RELN: variants seen among roughly 807,000 people sequenced by gnomAD.
RELN encodes reelin.
Under a neutral mutation model 427.6 loss-of-function variants are expected in RELN, and 108 were observed. The ratio of observed to expected loss-of-function variants is 0.25; its 90% CI spans 0.22 to 0.30. The LOEUF is 0.30. RELN is among the 10% of genes least tolerant of loss of function. RELN has a pLI of 1.00. For synonymous variants in RELN, 1,524 were observed against 1,513.4 expected, an observed-to-expected ratio of 1.01 and a Z score of -0.16; for missense variants, 3,715 against 4,302.8, an observed-to-expected ratio of 0.86 and a Z score of 3.82.
chr7:103,478,604 A>G, intron 63 of RELN: 4 of 539,108 alleles, frequency 7.4e-6, no homozygotes, highest in Non-Finnish European at 1.3e-5. Flanking sequence ...ATGTAATGTA[A>G]CATGCAATAT....
At chr7:103,708,654 G>A (rs945727214) in intron 8 of RELN, among the ~76,000 whole-genome samples, 4 of 151,678 alleles carry the variant, frequency 2.6e-5, no homozygotes, top group Admixed American at 6.6e-5. Context: ...TAGTAGAAAC[G>A]GGGTTTCACC....
chr7:103,917,284 A>C (rs1795506016), intron 1 of RELN, 99 bp from the exon 2 acceptor site: 2 of 944,246 alleles, frequency 2.1e-6, no homozygotes, highest in Non-Finnish European at 3.4e-6. Context: ...TTTACTCATT[A>C]ACAAATTATT....
chr7:103,596,749 T>C, intron 24 of RELN, 88 bp from the exon 25 acceptor site: 3 of 1,105,710 alleles, frequency 2.7e-6, no homozygotes, highest in Non-Finnish European at 4.1e-6. Flanking sequence ...ATGGACATCT[T>C]AGCACTATGT....
Position 103,822,806 on chromosome 7 carries a change from C to T in RELN, c.473+10731G>A, listed in dbSNP as rs1298410814. Among the ~76,000 whole-genome samples, 39 of 11,082 alleles carry T rather than the reference C, an allele frequency of 3.5e-3. 18 individuals are homozygous for T. Among genetic ancestry groups the T allele is most frequent in the African/African-American group, 4.4e-3 (33 of 7,518 alleles). The allele number at this position is 11,082 out of a possible 152,430, so 7.3% of individuals were successfully genotyped here. A position where few individuals can be genotyped will look rare whatever the true frequency, so the allele number is the denominator to read the frequency against. ...GCGGGCGCCTGTAGTCCCAGCTACT[C>T]GGGAGGCTGAGGCAGGAGAATGGCG... On this transcript the variant is annotated intron_variant, in intron 3 of 64. Transcript: ENST00000428762.
At chr7:103,743,480 G>A (rs530628272) in intron 6 of RELN, among the ~76,000 whole-genome samples, 1 of 152,232 alleles carries the variant, frequency 6.6e-6, no homozygotes, top group South Asian at 2.1e-4. Flanking sequence ...ATTGGATAAA[G>A]ACTCAAGACC....
intron 6 of RELN, among the ~76,000 whole-genome samples, chr7:103,749,104 A>G (rs942690861): frequency 2.0e-5 from 3 of 151,992 alleles, no homozygotes; most frequent in Admixed American, 6.6e-5. Flanking sequence ...CAGATAAACC[A>G]TTTCCCTTCT....
Position 103,636,318 on chromosome 7 carries a change from G to C in RELN, c.2220C>G (p.Val740=), listed in dbSNP as rs753756345. ...RGAEVSFGCG[V]LASGKALVFN... Reference sequence around the variant, plus strand: ...AAACCAGGGCCTTACCACTGGCCAAGACACCACAACCAAAGCTGACTTCAG... The same window carrying C: ...AAACCAGGGCCTTACCACTGGCCAACACACCACAACCAAAGCTGACTTCAG... Residue 740 remains valine, a synonymous_variant, in exon 18 of 65, where the codon GTC becomes GTG. Transcript: ENST00000428762. 1 of 1,614,006 alleles carries C rather than the reference G, an allele frequency of 6.2e-7. No homozygotes were observed. Among genetic ancestry groups the C allele is most frequent in the Non-Finnish European group, 8.5e-7 (1 of 1,179,974 alleles).
chr7:103,975,657 T>TGTA (rs1408789708), intron 1 of RELN, among the ~76,000 whole-genome samples: 1 of 151,268 alleles, frequency 6.6e-6, no homozygotes, highest in African/African-American at 2.4e-5. Context: ...GCCATTCTCC[T>TGTA]GCCTCAGCCT....
intron 48 of RELN, 90 bp downstream of exon 48, chr7:103,521,932 T>C: frequency 1.5e-6 from 2 of 1,329,736 alleles, no homozygotes; most frequent in South Asian, 1.2e-5. Flanking sequence ...CCCTGCATCT[T>C]GATTTGCCCA....
At chr7:103,866,147 A>G (rs1431468412) in intron 2 of RELN, among the ~76,000 whole-genome samples, 1 of 152,174 alleles carries the variant, frequency 6.6e-6, no homozygotes, top group East Asian at 1.9e-4. Context: ...ATTTTAAAAT[A>G]ATTCTTTTAA....
At chr7:103,663,458 T>A (rs1833188447) in intron 11 of RELN, among the ~76,000 whole-genome samples, 2 of 152,150 alleles carry the variant, frequency 1.3e-5, no homozygotes, top group African/African-American at 4.8e-5. Context: ...CTTTCTCTAG[T>A]CACATCCTTG....
rs767936807 is a variant in RELN, at chr7:103,511,016, A to C, written c.8120-11T>G. On this transcript the variant is annotated splice_polypyrimidine_tract_variant and intron_variant, in intron 50 of 64. Coordinates refer to ENST00000428762, the MANE Select transcript of RELN (RefSeq NM_005045.4). The stretch of plus-strand genomic sequence containing the variant: ...GCCAGTGCTCATTCACTTAAAACAA[A>C]AAAACAAAATTTTATGACAAATTTG... The C allele has an allele frequency of 3.1e-6, 5 of 1,611,186 alleles. No homozygotes were observed. The highest frequency in any genetic ancestry group is 4.2e-6 in the Non-Finnish European group (5 of 1,177,682).
At chr7:103,517,426 G>T (rs937952010) in intron 49 of RELN, among the ~76,000 whole-genome samples, 1 of 152,160 alleles carries the variant, frequency 6.6e-6, no homozygotes, top group Non-Finnish European at 1.5e-5. Flanking sequence ...AAGGCTACTT[G>T]AAAGTCTAAA....
intron 6 of RELN, among the ~76,000 whole-genome samples, chr7:103,733,048 G>T (rs562508112): frequency 4.9e-4 from 75 of 151,970 alleles, no homozygotes; most frequent in African/African-American, 1.8e-3. Flanking sequence ...TATGGTTTTA[G>T]GTCTAACGTT....
chr7:103,507,646 T>A (rs1829260196), intron 51 of RELN, among the ~76,000 whole-genome samples: 1 of 151,926 alleles, frequency 6.6e-6, no homozygotes, highest in Non-Finnish European at 1.5e-5. Context: ...AGCAAACACA[T>A]TCAAAAGCTA....
At chr7:103,493,257 G>C (rs2117010627) in intron 57 of RELN, among the ~76,000 whole-genome samples, 1 of 152,286 alleles carries the variant, frequency 6.6e-6, no homozygotes, top group African/African-American at 2.4e-5. Context: ...TGGATACCAG[G>C]AACACTGGAA....
intron 1 of RELN, among the ~76,000 whole-genome samples, chr7:103,917,801 C>T (rs1430807410): frequency 2.0e-5 from 3 of 152,014 alleles, no homozygotes; most frequent in Non-Finnish European, 4.4e-5. Context: ...GTTTTATAAC[C>T]ATAAAATCAG....
intron 3 of RELN, among the ~76,000 whole-genome samples, chr7:103,788,070 C>T (rs879554232): frequency 7.2e-5 from 11 of 151,772 alleles, no homozygotes; most frequent in East Asian, 1.9e-4. Context: ...ATAAACAGAA[C>T]GAACCAATGA....
At chr7:103,881,289 T>C (rs1282622780) in intron 2 of RELN, among the ~76,000 whole-genome samples, 1 of 152,198 alleles carries the variant, frequency 6.6e-6, no homozygotes. Flanking sequence ...TTTGACCCTG[T>C]TGGTCACGTT....
Sources: allele counts gnomAD v4.1 joint callset (sites outside exome capture counted in the v4.1 genomes callset), GRCh38; gene constraint gnomAD v4.1.1; transcripts MANE v1.5; gene names NCBI Gene and HGNC (gene_info 2026-07-23, HGNC 2026-07-21).